The following MFSD11 variants were observed in gnomAD, a reference collection of about 807,000 sequenced individuals.
MFSD11 encodes major facilitator superfamily domain containing 11, also known as UNC93-like protein MFSD11.
A neutral mutation model predicts 53.5 loss-of-function variants in MFSD11; 36 were observed. That is an observed-to-expected ratio of 0.67 (90% CI 0.52 to 0.89). The LOEUF (loss-of-function observed/expected upper bound fraction) is 0.89, where lower values mean the gene tolerates loss of function less well. MFSD11 is among the 40% of genes least tolerant of loss of function. The pLI, the probability that MFSD11 is intolerant of heterozygous loss-of-function variation, is 0.00. For missense variants in MFSD11, 530 were observed against 543.9 expected (o/e 0.97, Z 0.25); for synonymous variants, 186 against 184.9 (o/e 1.01, Z -0.05).
chr17:76,793,792 T>C, the MFSD11 span, among the ~76,000 whole-genome samples: 1 of 151,630 alleles, frequency 6.6e-6, no homozygotes, highest in Non-Finnish European at 1.5e-5. Flanking sequence ...TCCGTGTTCT[T>C]CTGCCATGGC....
intron 8 of MFSD11, among the ~76,000 whole-genome samples, chr17:76,761,445 A>G (rs939310169): frequency 6.6e-6 from 1 of 152,164 alleles, no homozygotes; most frequent in African/African-American, 2.4e-5. Flanking sequence ...CATCTATATA[A>G]TAGATTACCC....
downstream of MFSD11, among the ~76,000 whole-genome samples, chr17:76,782,974 C>G (rs954460799): frequency 6.6e-6 from 1 of 151,554 alleles, no homozygotes; most frequent in African/African-American, 2.4e-5. Flanking sequence ...GTCAAGAGTT[C>G]GAGACCAGCC....
At chr17:76,772,895 G>A (rs576763882) in intron 10 of MFSD11, among the ~76,000 whole-genome samples, 9 of 152,254 alleles carry the variant, frequency 5.9e-5, no homozygotes, top group Non-Finnish European at 1.2e-4. Flanking sequence ...GATTTGTTGG[G>A]CAGGACTGGA....
At chr17:76,753,108 T>C (rs113672471) in intron 7 of MFSD11, 59 of 152,104 alleles carry the variant, frequency 3.9e-4, no homozygotes, top group African/African-American at 1.3e-3. Flanking sequence ...ATAGCAGTCG[T>C]CACCTGTCAG....
At chr17:76,791,020 A>G in the MFSD11 span, among the ~76,000 whole-genome samples, 1 of 148,448 alleles carries the variant, frequency 6.7e-6, no homozygotes, top group African/African-American at 2.5e-5. Context: ...ACAATATACT[A>G]AATCTTAATA....
intron 10 of MFSD11, 61 bp downstream of exon 10, chr17:76,769,932 A>G (rs1424621723): frequency 6.8e-7 from 1 of 1,468,070 alleles, no homozygotes; most frequent in African/African-American, 1.4e-5. Flanking sequence ...TAAAATAGAA[A>G]TTTTAAGTGT....
At chr17:76,799,485 C>T in the MFSD11 span, 1 of 152,168 alleles carries the variant, frequency 6.6e-6, no homozygotes, top group Admixed American at 6.6e-5. Flanking sequence ...AATGCAACCT[C>T]TGCCCCCCTG....
the MFSD11 span, among the ~76,000 whole-genome samples, chr17:76,788,190 G>A: frequency 6.7e-6 from 1 of 148,574 alleles, no homozygotes; most frequent in East Asian, 2.0e-4. Context: ...ACAGTTGCAC[G>A]CTGCCACACC....
intron 10 of MFSD11, among the ~76,000 whole-genome samples, chr17:76,774,673 C>T (rs1474428176): frequency 6.6e-6 from 1 of 152,144 alleles, no homozygotes; most frequent in Non-Finnish European, 1.5e-5. Flanking sequence ...AAAACGTGGT[C>T]ATAATGACAA....
chr17:76,760,224 C>T (rs1284646017), intron 8 of MFSD11, among the ~76,000 whole-genome samples: 1 of 149,098 alleles, frequency 6.7e-6, no homozygotes, highest in Non-Finnish European at 1.5e-5. Flanking sequence ...GCAGAGGTTG[C>T]AGTGAGCCAT....
chr17:76,769,838 T>G lies in MFSD11; in HGVS notation c.841T>G (p.Ser281Ala), dbSNP rs1437772454. 28 of 1,611,198 alleles carry G rather than the reference T, an allele frequency of 1.7e-5. No homozygotes were observed. Among genetic ancestry groups the G allele is most frequent in the Non-Finnish European group, 2.2e-5 (26 of 1,179,406 alleles). Residue 281 changes from serine (S) to alanine (A), a missense_variant, in exon 10 of 13, where the codon TCT becomes GCT. Coordinates refer to ENST00000685175, the MANE Select transcript of MFSD11 (RefSeq NM_001242532.5). The stretch of plus-strand genomic sequence containing the variant: ...AGAAGAGAAAAGCCTTATTGGACTT[T>G]CTGGCATTTTCATCGGCATTGGAGA... ...GAEEKSLIGL[S>A]GIFIGIGEIL... is the part of the protein sequence containing the mutation.
downstream of MFSD11, among the ~76,000 whole-genome samples, chr17:76,785,817 A>G (rs947202215): frequency 6.6e-6 from 1 of 152,064 alleles, no homozygotes; most frequent in African/African-American, 2.4e-5. Context: ...ATGGTGGCTC[A>G]TGCCTAAAAT....
chr17:76,761,939 C>G (rs559008565), intron 8 of MFSD11, among the ~76,000 whole-genome samples: 1 of 151,070 alleles, frequency 6.6e-6, no homozygotes, highest in African/African-American at 2.5e-5. Flanking sequence ...AAAAAAAATT[C>G]ATATACCATA....
At chr17:76,749,118 A>C (rs552608953) in intron 7 of MFSD11, among the ~76,000 whole-genome samples, 2 of 152,332 alleles carry the variant, frequency 1.3e-5, no homozygotes, top group Non-Finnish European at 2.9e-5. Context: ...TATACACTTC[A>C]GTGCTTTTGA....
intron 7 of MFSD11, among the ~76,000 whole-genome samples, chr17:76,750,220 T>C (rs994458083): frequency 1.3e-5 from 2 of 152,156 alleles, no homozygotes; most frequent in East Asian, 3.8e-4. Context: ...GAATCCTACA[T>C]GGGATCCTAT....
intron 5 of MFSD11, among the ~76,000 whole-genome samples, chr17:76,742,741 T>A (rs2078212940): frequency 6.6e-6 from 1 of 152,134 alleles, no homozygotes. Context: ...CCTGACCTTG[T>A]GATCCGCCCG....
chr17:76,738,263 A>G lies in MFSD11; in HGVS notation c.-90A>G, dbSNP rs572209182. On this transcript the variant is annotated 5_prime_UTR_variant, in exon 1 of 13. Coordinates refer to ENST00000685175, the MANE Select transcript of MFSD11 (RefSeq NM_001242532.5). ...CCTGCATCTGCCTTCTCCACTCACC[A>G]TCTCATTTCTTTCTCCAGGATTGTC... 265 of 820,096 alleles carry G rather than the reference A, an allele frequency of 3.2e-4. 1 individual carries two copies. In the South Asian group the frequency reaches 3.8e-3, roughly 12 times the overall value. 50.8% of individuals were successfully genotyped at this position (820,096 alleles called of 1,614,324 possible).
Position 76,769,811 on chromosome 17 carries a change from G to T in MFSD11, c.814G>T (p.Ala272Ser). Reference sequence around the variant, plus strand: ...TATTGGTGCTACAAATAAATTTGGAGCAGAAGAGAAAAGCCTTATTGGACT... The same window carrying T: ...TATTGGTGCTACAAATAAATTTGGATCAGAAGAGAAAAGCCTTATTGGACT... The part of the protein sequence containing the change: ...TCIGATNKFG[A>S]EEKSLIGLSG... Residue 272 changes from alanine (A) to serine (S), a missense_variant, in exon 10 of 13, where the codon GCA becomes TCA. Ala to Ser is a moderately conservative substitution (Grantham distance 99). Transcript: ENST00000685175. 1 of 1,613,034 alleles carries T rather than the reference G, an allele frequency of 6.2e-7. No individual in the cohort carries two copies. Among genetic ancestry groups the T allele is most frequent in the Non-Finnish European group, 8.5e-7 (1 of 1,179,602 alleles).
intron 8 of MFSD11, among the ~76,000 whole-genome samples, chr17:76,765,230 C>T (rs2080714935): frequency 6.6e-6 from 1 of 152,014 alleles, no homozygotes; most frequent in South Asian, 2.1e-4. Flanking sequence ...TGTCAATATC[C>T]TGTTGTAGTC....
Sources: gnomAD v4.1 joint callset for allele counts (sites outside exome capture counted in the v4.1 genomes callset) on GRCh38, gnomAD v4.1.1 for gene constraint, MANE v1.5 for transcripts, NCBI Gene and HGNC (gene_info 2026-07-23, HGNC 2026-07-21) for gene names.